PALLD: variants seen among roughly 807,000 people sequenced by gnomAD.
The protein encoded by PALLD is palladin.
PALLD carries 61 observed loss-of-function variants against 123.5 expected under a neutral mutation model. That is an observed-to-expected ratio of 0.49 (90% CI 0.40 to 0.61). The LOEUF is 0.61. PALLD is among the 20% of genes least tolerant of loss of function. The pLI, the probability that PALLD is intolerant of heterozygous loss-of-function variation, is 0.00. For synonymous variants in PALLD, 465 were observed against 496.4 expected (o/e 0.94, Z 0.84); for missense variants, 1,273 against 1,377.0 (o/e 0.92, Z 1.20).
At chr4:168,598,086 T>A (rs957329866) in intron 2 of PALLD, among the ~76,000 whole-genome samples, 8 of 152,132 alleles carry the variant, frequency 5.3e-5, no homozygotes, top group African/African-American at 1.7e-4. Flanking sequence ...TCAGAGTGAA[T>A]TTTTTTAACA....
intron 2 of PALLD, among the ~76,000 whole-genome samples, chr4:168,572,447 A>T (rs1769091292): frequency 6.6e-6 from 1 of 152,096 alleles, no homozygotes; most frequent in African/African-American, 2.4e-5. Flanking sequence ...CAAGATTCTA[A>T]CTGCTTTTTC....
intron 10 of PALLD, among the ~76,000 whole-genome samples, chr4:168,845,286 T>C (rs1746665172): frequency 6.6e-6 from 1 of 152,162 alleles, no homozygotes; most frequent in Non-Finnish European, 1.5e-5. Context: ...TTGTTCTAGG[T>C]CCTTTAAGGA....
intron 2 of PALLD, among the ~76,000 whole-genome samples, chr4:168,561,349 C>T (rs1358022010): frequency 6.6e-6 from 1 of 152,114 alleles, no homozygotes; most frequent in Non-Finnish European, 1.5e-5. Flanking sequence ...GTAGCCTCCA[C>T]GTTCTAGGGT....
chr4:168,564,685 T>G (rs1768193329), intron 2 of PALLD, among the ~76,000 whole-genome samples: 1 of 152,204 alleles, frequency 6.6e-6, no homozygotes. Context: ...CTATATAAAT[T>G]ACATGTACTA....
intron 10 of PALLD, among the ~76,000 whole-genome samples, chr4:168,801,988 C>A (rs1046986220): frequency 6.6e-6 from 1 of 152,148 alleles, no homozygotes; most frequent in African/African-American, 2.4e-5. Context: ...AGTAGTCTAG[C>A]CATGTTCCAT....
At chr4:168,544,511 T>C (rs1765955335) in intron 2 of PALLD, among the ~76,000 whole-genome samples, 2 of 152,240 alleles carry the variant, frequency 1.3e-5, no homozygotes, top group Non-Finnish European at 2.9e-5. Flanking sequence ...AGTGAGCTTG[T>C]TATTATAAAT....
chr4:168,905,220 G>A (rs190064789), intron 15 of PALLD, among the ~76,000 whole-genome samples: 4 of 125,888 alleles, frequency 3.2e-5, no homozygotes, highest in East Asian at 2.8e-4. Context: ...GCGCGATCTC[G>A]GCTCACTGCA....
At chr4:168,502,032 T>G (rs1761459865) in intron 1 of PALLD, among the ~76,000 whole-genome samples, 1 of 152,218 alleles carries the variant, frequency 6.6e-6, no homozygotes, top group South Asian at 2.1e-4. Context: ...GTCCTTTCTC[T>G]TCTTAGAATC....
At chr4:168,585,147 A>G (rs1398909013) in intron 2 of PALLD, among the ~76,000 whole-genome samples, 1 of 152,222 alleles carries the variant, frequency 6.6e-6, no homozygotes, top group Non-Finnish European at 1.5e-5. Context: ...GGAACACAGG[A>G]CATACTGCTC....
chr4:168,684,271 G>A (rs769907441), intron 5 of PALLD, among the ~76,000 whole-genome samples: 4 of 152,178 alleles, frequency 2.6e-5, no homozygotes, highest in African/African-American at 9.7e-5. Flanking sequence ...ATAATGTAAA[G>A]AGTGAATTTT....
chr4:168,678,922 G>T (rs999765743), intron 3 of PALLD, among the ~76,000 whole-genome samples: 2 of 147,274 alleles, frequency 1.4e-5, no homozygotes, highest in African/African-American at 5.0e-5. Flanking sequence ...GTGTGTATGT[G>T]CAGTGGGTGT....
intron 2 of PALLD, among the ~76,000 whole-genome samples, chr4:168,587,205 T>C (rs1179693363): frequency 6.6e-6 from 1 of 152,196 alleles, no homozygotes; most frequent in Non-Finnish European, 1.5e-5. Context: ...AGCTTTCAAA[T>C]GATAGCAGCT....
chr4:168,558,122 T>A (rs1240109375), intron 2 of PALLD, among the ~76,000 whole-genome samples: 1 of 152,176 alleles, frequency 6.6e-6, no homozygotes, highest in Non-Finnish European at 1.5e-5. Context: ...ATCTTCAGCC[T>A]TTTTCTGATG....
At chr4:168,541,743 A>T (rs1765639964) in intron 2 of PALLD, among the ~76,000 whole-genome samples, 1 of 152,114 alleles carries the variant, frequency 6.6e-6, no homozygotes, top group African/African-American at 2.4e-5. Flanking sequence ...ATGAGTCACC[A>T]TGCCCAGCCT....
chr4:168,511,993 C>G lies in PALLD; in HGVS notation c.489C>G (p.Gly163=), dbSNP rs762499637. Residue 163 remains glycine, a synonymous_variant, in exon 2 of 22, where the codon GGC becomes GGG. Transcript: ENST00000505667. ...AAACGCCACATCAAAGAAAGGGTGGCCCCCAGAGCCAGCTGTGTGACAAGG... is the reference window on the plus strand; with the variant it reads ...AAACGCCACATCAAAGAAAGGGTGGGCCCCAGAGCCAGCTGTGTGACAAGG... ...KPKTPHQRKG[G]PQSQLCDKAA... The G allele has an allele frequency of 2.2e-5, 36 of 1,614,078 alleles. No homozygotes were observed. Among genetic ancestry groups the G allele is most frequent in the South Asian group, 2.0e-4 (18 of 91,090 alleles).
At position 168,916,142 on chromosome 4, in the gene PALLD, G is replaced by GGC; in HGVS notation, c.2850+115_2850+116insGC. ...AAGTATAAAATGAGAGCTGGGCACA[G>GGC]TGGCTCACACCTATAATCCCAGCAC... On this transcript the variant is annotated intron_variant, in intron 17 of 21. Coordinates refer to ENST00000505667, the MANE Select transcript of PALLD (RefSeq NM_001166108.2). The GGC allele has an allele frequency of 3.9e-6, 4 of 1,025,234 alleles. No individual in the cohort carries two copies. The Admixed American group carries it at 6.8e-5, about 17-fold the overall frequency. The allele number at this position is 1,025,234 out of a possible 1,614,324, so 63.5% of individuals were successfully genotyped here.
At chr4:168,659,801 A>G (rs932690073) in intron 2 of PALLD, among the ~76,000 whole-genome samples, 1 of 152,244 alleles carries the variant, frequency 6.6e-6, no homozygotes, top group African/African-American at 2.4e-5. Context: ...GAGAATTTTC[A>G]TGATACGTAG....
At chr4:168,499,180 CAA>C (rs1157137965) in intron 1 of PALLD, among the ~76,000 whole-genome samples, 311 of 16,334 alleles carry the variant, frequency 0.019, 1 homozygote, top group African/African-American at 0.057. Flanking sequence ...CCCTTTGTAG[CAA>C]AAAAAAAAAA....
chr4:168,920,103 A>G (rs1761135773), intron 17 of PALLD, among the ~76,000 whole-genome samples: 1 of 152,200 alleles, frequency 6.6e-6, no homozygotes, highest in African/African-American at 2.4e-5. Flanking sequence ...TGGGAACAAC[A>G]AGGAGCCTGA....
Sources: gnomAD v4.1 joint callset for allele counts (sites outside exome capture counted in the v4.1 genomes callset) on GRCh38, gnomAD v4.1.1 for gene constraint, MANE v1.5 for transcripts, NCBI Gene and HGNC (gene_info 2026-07-23, HGNC 2026-07-21) for gene names.